STAG1: variants seen among roughly 807,000 people sequenced by gnomAD.
STAG1 encodes STAG1 cohesin complex component.
Under a neutral mutation model 170.9 loss-of-function variants are expected in STAG1, and 26 were observed. The ratio of observed to expected loss-of-function variants is 0.15; its 90% CI spans 0.11 to 0.21. STAG1 has a LOEUF of 0.21. STAG1 is among the 10% of genes least tolerant of loss of function. STAG1 has a pLI of 1.00. For missense variants in STAG1, 964 were observed against 1,509.5 expected, an observed-to-expected ratio of 0.64 and a Z score of 5.99; for synonymous variants, 514 against 497.7, an observed-to-expected ratio of 1.03 and a Z score of -0.44.
intron 11 of STAG1, 40 bp from the exon 12 acceptor site, chr3:136,472,532 G>C (rs764498651): frequency 7.1e-7 from 1 of 1,407,924 alleles, no homozygotes; most frequent in Admixed American, 1.7e-5. Flanking sequence ...ACTATGAACA[G>C]AAAATAAGCT....
At position 136,338,221 on chromosome 3, in the gene STAG1, TAG is replaced by T. The variant is rs1560041475; in HGVS notation, c.*31_*32del. On this transcript the variant is annotated 3_prime_UTR_variant, in exon 34 of 34. Coordinates refer to ENST00000383202, the MANE Select transcript of STAG1 (RefSeq NM_005862.3). ...TATATAGGCCTCTAGCTCTAAATAA[TAG>T]AGTTCCAGATTTGTAAATTTTCTTC... 2.6e-6 allele frequency: 4 copies of T among 1,522,048 alleles called. No homozygotes were observed. Among genetic ancestry groups the T allele is most frequent in the East Asian group, 4.5e-5 (2 of 44,422 alleles). The allele number at this position is 1,522,048 out of a possible 1,614,324, so 94.3% of individuals were successfully genotyped here.
chr3:136,439,782 C>T (rs938563948), intron 15 of STAG1, among the ~76,000 whole-genome samples: 1 of 152,176 alleles, frequency 6.6e-6, no homozygotes, highest in African/African-American at 2.4e-5. Flanking sequence ...AGTTCTGCAA[C>T]TGTTATGCCT....
At chr3:136,466,129 A>G (rs1308243267) in intron 12 of STAG1, among the ~76,000 whole-genome samples, 1 of 152,252 alleles carries the variant, frequency 6.6e-6, no homozygotes, top group African/African-American at 2.4e-5. Flanking sequence ...GCTCCTCACC[A>G]GCAACAGAAC....
intron 14 of STAG1, among the ~76,000 whole-genome samples, chr3:136,444,651 G>C (rs2088724805): frequency 6.6e-6 from 1 of 152,032 alleles, no homozygotes; most frequent in Non-Finnish European, 1.5e-5. Context: ...ACATAGAAAG[G>C]GTAAATACTA....
intron 5 of STAG1, among the ~76,000 whole-genome samples, chr3:136,559,110 A>G (rs1175234355): frequency 7.0e-6 from 1 of 143,474 alleles, no homozygotes; most frequent in Non-Finnish European, 1.5e-5. Context: ...TTTAAGAAAG[A>G]TAACACTGAA....
At chr3:136,476,775 C>A (rs1018597304) in intron 10 of STAG1, among the ~76,000 whole-genome samples, 1 of 152,066 alleles carries the variant, frequency 6.6e-6, no homozygotes, top group Non-Finnish European at 1.5e-5. Context: ...ACTTATCACT[C>A]CTACCCATGG....
intron 1 of STAG1, among the ~76,000 whole-genome samples, chr3:136,684,552 C>A (rs533294256): frequency 6.6e-6 from 1 of 151,778 alleles, no homozygotes; most frequent in Admixed American, 6.6e-5. Flanking sequence ...AAGTTCGAGA[C>A]CAGCCTGGTC....
At chr3:136,648,878 A>G (rs1007498901) in intron 1 of STAG1, among the ~76,000 whole-genome samples, 3 of 152,150 alleles carry the variant, frequency 2.0e-5, no homozygotes, top group Non-Finnish European at 2.9e-5. Context: ...TCCACCCTAG[A>G]GCCAGACTGA....
intron 21 of STAG1, among the ~76,000 whole-genome samples, chr3:136,405,258 T>TTTTTTTTTTTTTC (rs1560091864): frequency 1.7e-5 from 2 of 115,616 alleles, no homozygotes; most frequent in African/African-American, 6.8e-5. Flanking sequence ...TTTTTTTTTT[T>TTTTTTTTTTTTTC]TCAGACGAAG....
At chr3:136,629,985 C>A (rs1437021972) in intron 2 of STAG1, among the ~76,000 whole-genome samples, 1 of 151,978 alleles carries the variant, frequency 6.6e-6, no homozygotes, top group African/African-American at 2.4e-5. Flanking sequence ...CACCTGAGGT[C>A]AGGAGTTCGA....
intron 4 of STAG1, among the ~76,000 whole-genome samples, chr3:136,572,060 C>CA (rs1377313162): frequency 1.3e-5 from 2 of 151,286 alleles, no homozygotes; most frequent in East Asian, 1.9e-4. Flanking sequence ...AAAGAAAAAA[C>CA]AAAAAAGAGC....
intron 21 of STAG1, among the ~76,000 whole-genome samples, chr3:136,413,186 T>C (rs892157165): frequency 4.0e-5 from 6 of 148,324 alleles, no homozygotes; most frequent in African/African-American, 1.2e-4. Flanking sequence ...TATATATGCA[T>C]ATTAACATGT....
intron 1 of STAG1, among the ~76,000 whole-genome samples, chr3:136,727,933 A>T (rs1260233527): frequency 6.6e-6 from 1 of 152,052 alleles, no homozygotes; most frequent in Non-Finnish European, 1.5e-5. Context: ...TGAGACGGGT[A>T]GATCACCTGA....
intron 4 of STAG1, among the ~76,000 whole-genome samples, chr3:136,598,250 G>A (rs1288175669): frequency 6.6e-6 from 1 of 151,918 alleles, no homozygotes; most frequent in African/African-American, 2.4e-5. Flanking sequence ...TCACAGTAAT[G>A]TTAGGTTTGC....
chr3:136,453,984 TATCTATA>T (rs1183981770), intron 13 of STAG1, among the ~76,000 whole-genome samples: 1 of 152,144 alleles, frequency 6.6e-6, no homozygotes, highest in Non-Finnish European at 1.5e-5. Flanking sequence ...CTTGAAGCTA[TATCTATA>T]ATCTATATAG....
chr3:136,514,423 A>T, intron 7 of STAG1, among the ~76,000 whole-genome samples: 1 of 152,240 alleles, frequency 6.6e-6, no homozygotes, highest in East Asian at 1.9e-4. Context: ...CAGATGCTAG[A>T]GAGGATGTAG....
chr3:136,424,664 C>G (rs539428995), intron 16 of STAG1, among the ~76,000 whole-genome samples: 1 of 152,058 alleles, frequency 6.6e-6, no homozygotes, highest in South Asian at 2.1e-4. Context: ...ACTCTACATA[C>G]ATGAACTCAT....
intron 3 of STAG1, among the ~76,000 whole-genome samples, chr3:136,617,170 T>C (rs771246434): frequency 3.9e-5 from 6 of 152,192 alleles, no homozygotes; most frequent in East Asian, 1.9e-4. Flanking sequence ...AACTCTGCAA[T>C]TGGTTTGTCA....
At chr3:136,662,824 C>A (rs145311006) in intron 1 of STAG1, among the ~76,000 whole-genome samples, 4 of 152,136 alleles carry the variant, frequency 2.6e-5, no homozygotes, top group Non-Finnish European at 5.9e-5. Flanking sequence ...AGCCAACGTG[C>A]GTGGATCACC....
Sources: gnomAD v4.1 joint callset for allele counts (sites outside exome capture counted in the v4.1 genomes callset) on GRCh38, gnomAD v4.1.1 for gene constraint, MANE v1.5 for transcripts, NCBI Gene and HGNC (gene_info 2026-07-23, HGNC 2026-07-21) for gene names.